The following RNF213 variants were observed in gnomAD, a reference collection of about 807,000 sequenced individuals.
The protein encoded by RNF213 is ring finger protein 213, also known as E3 ubiquitin-protein ligase RNF213.
RNF213 carries 341 observed loss-of-function variants against 514.4 expected under a neutral mutation model. That is an observed-to-expected ratio of 0.66 (90% CI 0.61 to 0.73). The LOEUF (loss-of-function observed/expected upper bound fraction) is 0.73, where lower values mean the gene tolerates loss of function less well. Among genes scored for constraint, RNF213 ranks in the 30% least tolerant of loss-of-function variants. RNF213 has a pLI of 0.00. For synonymous variants in RNF213, 2,655 were observed against 2,658.2 expected, an observed-to-expected ratio of 1.00 and a Z score of 0.04; for missense variants, 5,767 against 6,615.6, an observed-to-expected ratio of 0.87 and a Z score of 4.45.
At position 80,288,263 on chromosome 17, in the gene RNF213, C is replaced by T. The variant is rs1287715454; in HGVS notation, c.710C>T (p.Ala237Val). The stretch of plus-strand genomic sequence containing the variant: ...GAAGGCCATTCTAGGACTGAAGATG[C>T]TGCCCAGGAGCTCCTGTTGCCTGAG... ...AGEGHSRTEDAAQELLLPESK... is the reference protein window; with the variant it reads ...AGEGHSRTEDVAQELLLPESK... The change falls in exon 4 of 68, where the codon GCT becomes GTT. Residue 237 changes from alanine to valine, a missense_variant. Ala to Val is a moderately conservative substitution (Grantham distance 64). This residue lies in a region of RNF213 where 509 missense variants were observed against 496.7 expected (regional missense o/e 1.02). Transcript: ENST00000582970. The surrounding 1 kb of genome is among the most constrained non-coding windows in gnomAD (Gnocchi z 4.9). 1 of 1,613,282 alleles carries T rather than the reference C, an allele frequency of 6.2e-7. No homozygotes were observed. The highest frequency in any genetic ancestry group is 2.2e-5 in the East Asian group (1 of 44,880).
rs2080707087 is a variant in RNF213 at position 80,398,642 on chromosome 17, T to C, written c.*5144T>C. On this transcript the variant is annotated 3_prime_UTR_variant, in exon 68 of 68. Coordinates refer to ENST00000582970, the MANE Select transcript of RNF213 (RefSeq NM_001256071.3). ...AACAGTGGTTGAGAGAACAGCAGCA[T>C]AAGTGGCTGGCAGAGGCAAGGAAAG... is the stretch of plus-strand genomic sequence containing the variant. 1 of 108,800 alleles carries C rather than the reference T, an allele frequency of 9.2e-6. No homozygotes were observed. The highest frequency in any genetic ancestry group is 1.7e-5 in the Non-Finnish European group (1 of 60,044). 6.7% of individuals were successfully genotyped at this position (108,800 alleles called of 1,614,324 possible). A position where few individuals can be genotyped will look rare whatever the true frequency, so the allele number is the denominator to read the frequency against.
Position 80,381,884 on chromosome 17 carries a change from C to G in RNF213, c.13978+157C>G, listed in dbSNP as rs552366754. 21 of 760,900 alleles carry G rather than the reference C, an allele frequency of 2.8e-5. No homozygotes were observed. The African/African-American group carries it at 3.6e-4, about 13-fold the overall frequency. The allele number at this position is 760,900 out of a possible 1,614,324, so 47.1% of individuals were successfully genotyped here. A position where few individuals can be genotyped will look rare whatever the true frequency, so the allele number is the denominator to read the frequency against. Reference sequence around the variant, plus strand: ...AGAACACACAGAGAGAAAACCGTGTCTAGGGAAGGCGATGCCTGGGGCTGG... The same window carrying G: ...AGAACACACAGAGAGAAAACCGTGTGTAGGGAAGGCGATGCCTGGGGCTGG... On this transcript the variant is annotated intron_variant, in intron 57 of 67. Transcript: ENST00000582970.
chr17:80,353,217 C>A lies in RNF213; in HGVS notation c.10423+158C>A. On this transcript the variant is annotated intron_variant, in intron 33 of 67. Coordinates refer to ENST00000582970, the MANE Select transcript of RNF213 (RefSeq NM_001256071.3). The surrounding 1 kb of genome is among the most constrained non-coding windows in gnomAD (Gnocchi z 5.0). Reference sequence around the variant, plus strand: ...TCTGCAGAACTGACTGGTGGCTCATCATAGAGCACCAGGGCCGAGCAGGTG... The same window carrying A: ...TCTGCAGAACTGACTGGTGGCTCATAATAGAGCACCAGGGCCGAGCAGGTG... 1 of 1,037,584 alleles carries A rather than the reference C, an allele frequency of 9.6e-7. No homozygotes were observed. Among genetic ancestry groups the A allele is most frequent in the Non-Finnish European group, 1.4e-6 (1 of 698,358 alleles). The allele number at this position is 1,037,584 out of a possible 1,614,324, so 64.3% of individuals were successfully genotyped here.
chr17:80,288,238 G>T lies in RNF213; in HGVS notation c.685G>T (p.Glu229Ter). The change falls in exon 4 of 68, where the codon GAA becomes TAA. Residue 229 changes from glutamate (E) to a stop codon, truncating the protein, a stop_gained. Coordinates refer to ENST00000582970, the MANE Select transcript of RNF213 (RefSeq NM_001256071.3). LOFTEE classifies it high-confidence loss of function. This position sits in a 1 kb window ranked among gnomAD's most constrained non-coding sequence, Gnocchi z 4.9. ...EGTGPPTSAG[E>*]GHSRTEDAAQ... is the part of the protein sequence containing the mutation. ...GACCGGTCCCCCCACCTCTGCTGGTGAAGGCCATTCTAGGACTGAAGATGC... is the reference window on the plus strand; with the variant it reads ...GACCGGTCCCCCCACCTCTGCTGGTTAAGGCCATTCTAGGACTGAAGATGC... 6.2e-7 allele frequency: 1 copy of T among 1,613,368 alleles called. No homozygotes were observed. Among genetic ancestry groups the T allele is most frequent in the Non-Finnish European group, 8.5e-7 (1 of 1,180,004 alleles).
chr17:80,323,647 G>A (rs1358164885), intron 17 of RNF213, among the ~76,000 whole-genome samples: 2 of 151,978 alleles, frequency 1.3e-5, no homozygotes, highest in East Asian at 3.9e-4. Flanking sequence ...ATTTTTAGTA[G>A]TTTCACCATA....
chr17:80,337,705 G>A lies in RNF213; in HGVS notation c.4647G>A (p.Gln1549=). Residue 1549 remains glutamine, a synonymous_variant, in exon 24 of 68, where the codon CAG becomes CAA. Transcript: ENST00000582970. ...ACCAAAGAGGCATCTATGTGATCCA[G>A]GCGCCCAAAGGTGGCCAAAAGGTGA... ...AINQRGIYVI[Q]APKGGQKISP... 6.5e-7 allele frequency: 1 copy of A among 1,537,310 alleles called. No homozygotes were observed. The highest frequency in any genetic ancestry group is 8.7e-7 in the Non-Finnish European group (1 of 1,146,924).
At chr17:80,364,301 C>G (rs2079169294) in intron 41 of RNF213, 132 bp from the exon 42 acceptor site, 1 of 1,248,076 alleles carries the variant, frequency 8.0e-7, no homozygotes. Context: ...TCACATAGGG[C>G]TTGCTTGTAA....
At chr17:80,272,502 C>T (rs1358439497) in intron 2 of RNF213, among the ~76,000 whole-genome samples, 7 of 152,098 alleles carry the variant, frequency 4.6e-5, no homozygotes, top group African/African-American at 1.7e-4. Flanking sequence ...GGGTGCTAAT[C>T]CATTCCCGAG....
intron 39 of RNF213, among the ~76,000 whole-genome samples, 200 bp downstream of exon 39, chr17:80,362,088 C>T (rs1855016786): frequency 6.6e-6 from 1 of 152,188 alleles, no homozygotes; most frequent in African/African-American, 2.4e-5. Context: ...CTCAGTCCAC[C>T]GCCCAGGGGC....
Position 80,340,059 on chromosome 17 carries a change from G to T in RNF213, c.5692G>T (p.Asp1898Tyr), listed in dbSNP as rs2078106202. 1 of 1,574,184 alleles carries T rather than the reference G, an allele frequency of 6.4e-7. No homozygotes were observed. Among genetic ancestry groups the T allele is most frequent in the South Asian group, 1.1e-5 (1 of 87,008 alleles). Residue 1898 changes from aspartate (D) to tyrosine (Y), a missense_variant, in exon 26 of 68, where the codon GAT becomes TAT. Asp to Tyr is a radical substitution (Grantham distance 160). Transcript: ENST00000582970. Reference sequence around the variant, plus strand: ...CAAGGTCTACAGCCTGCTGTTCGCAGATCAGCTGAGCTACGAGGTGGCACG... The same window carrying T: ...CAAGGTCTACAGCCTGCTGTTCGCATATCAGCTGAGCTACGAGGTGGCACG... ...GHKVYSLLFADQLSYEVARQA... is the reference protein window; with the variant it reads ...GHKVYSLLFAYQLSYEVARQA...
chr17:80,354,024 G>A lies in RNF213; in HGVS notation c.10584G>A (p.Ser3528=), dbSNP rs764586150. The A allele has an allele frequency of 2.8e-5, 45 of 1,613,804 alleles. No individual in the cohort carries two copies. Among genetic ancestry groups the A allele is most frequent in the Admixed American group, 8.3e-5 (5 of 60,024 alleles). The stretch of plus-strand genomic sequence containing the variant: ...CCAACCGTCTCCACCAACAGGTGTC[G>A]ATCCTGGACACCACCAGGCTGCTGA... ...ETSELGGSDV[S]ILDTTRLLRS... The change falls in exon 35 of 68, where the codon TCG becomes TCA. Residue 3528 remains serine (S), a synonymous_variant. Coordinates refer to ENST00000582970, the MANE Select transcript of RNF213 (RefSeq NM_001256071.3).
chr17:80,290,220 C>T (rs538162005), intron 6 of RNF213, among the ~76,000 whole-genome samples: 2 of 152,360 alleles, frequency 1.3e-5, no homozygotes, highest in Admixed American at 6.5e-5. Context: ...TGGTGTGTCA[C>T]ACGTGGACGT....
intron 15 of RNF213, chr17:80,316,620 G>A (rs955033168): frequency 1.3e-4 from 24 of 183,736 alleles, no homozygotes; most frequent in South Asian, 2.3e-4. Flanking sequence ...CACGTTGCAC[G>A]TCCTGAGTGG....
In RNF213 at chr17:80,263,858, AC is replaced by A. The variant is rs1318752881; in HGVS notation, c.97+83del. ...CTCACCTCCCTTCCAGGAAATGGAA[AC>A]CCTGGGCAGCAGGCAGCTCAGGTGG... On this transcript the variant is annotated intron_variant, in intron 2 of 67. Coordinates refer to ENST00000582970, the MANE Select transcript of RNF213 (RefSeq NM_001256071.3). The surrounding 1 kb of genome is among the most constrained non-coding windows in gnomAD (Gnocchi z 4.9). The A allele has an allele frequency of 4.0e-6, 5 of 1,260,592 alleles. No individual in the cohort carries two copies. Among genetic ancestry groups the A allele is most frequent in the African/African-American group, 1.5e-5 (1 of 67,740 alleles). The allele number at this position is 1,260,592 out of a possible 1,614,324, so 78.1% of individuals were successfully genotyped here. A position where few individuals can be genotyped will look rare whatever the true frequency, so the allele number is the denominator to read the frequency against.
rs571982368 is a variant in RNF213, at chr17:80,393,074, C to G, written c.15471-271C>G. On this transcript the variant is annotated intron_variant, in intron 67 of 67. Coordinates refer to ENST00000582970, the MANE Select transcript of RNF213 (RefSeq NM_001256071.3). ...CTCGCTGTAGCCTCCACCTCCTGGACTCAAGTGGTCCTCCCACCTCAGCCT... is the reference window on the plus strand; with the variant it reads ...CTCGCTGTAGCCTCCACCTCCTGGAGTCAAGTGGTCCTCCCACCTCAGCCT... 2.6e-5 allele frequency among the ~76,000 whole-genome samples: 4 copies of G among 152,146 alleles called. No homozygotes were observed. The South Asian group carries it at 8.3e-4, about 32-fold the overall frequency.
At chr17:80,390,534 C>T (rs2144668751) in intron 67 of RNF213, among the ~76,000 whole-genome samples, 1 of 152,166 alleles carries the variant, frequency 6.6e-6, no homozygotes, top group South Asian at 2.1e-4. Context: ...ATAGCTGGGA[C>T]TACAGGCGTG....
intron 11 of RNF213, among the ~76,000 whole-genome samples, chr17:80,305,935 G>A (rs963943678): frequency 6.6e-6 from 1 of 151,858 alleles, no homozygotes; most frequent in African/African-American, 2.4e-5. Flanking sequence ...TTAATTCTCA[G>A]TAGGTTGTTC....
At chr17:80,368,626 T>C (rs895400449) in intron 44 of RNF213, among the ~76,000 whole-genome samples, 6 of 152,054 alleles carry the variant, frequency 3.9e-5, no homozygotes, top group Non-Finnish European at 5.9e-5. Flanking sequence ...AGAGACAGGG[T>C]TTCACCATGT....
At chr17:80,279,792 A>G (rs901004316) in intron 3 of RNF213, among the ~76,000 whole-genome samples, 2 of 152,284 alleles carry the variant, frequency 1.3e-5, no homozygotes, top group African/African-American at 4.8e-5. Flanking sequence ...TTTCTATAGC[A>G]TTTAGGAGTA....
Sources: gnomAD v4.1 joint callset for allele counts (sites outside exome capture counted in the v4.1 genomes callset) on GRCh38, gnomAD v4.1.1 for gene constraint, gnomAD v4.1.1 regional missense constraint, Gnocchi (gnomAD v3.1) non-coding constraint, MANE v1.5 for transcripts, NCBI Gene and HGNC (gene_info 2026-07-23, HGNC 2026-07-21) for gene names.